The following VPS13B variants were observed in gnomAD, a reference collection of about 807,000 sequenced individuals.
The protein encoded by VPS13B is intermembrane lipid transfer protein VPS13B.
In VPS13B, 285 loss-of-function variants were observed where a neutral mutation model predicts 426.4. That is an observed-to-expected ratio of 0.67 (90% CI 0.61 to 0.74). VPS13B has a LOEUF of 0.74. Ranked by LOEUF, VPS13B falls within the 30% of genes least tolerant of loss-of-function variation. VPS13B has a pLI of 0.00. For missense variants in VPS13B, 4,537 were observed against 4,782.6 expected, an observed-to-expected ratio of 0.95 and a Z score of 1.51; for synonymous variants, 1,676 against 1,676.4, an observed-to-expected ratio of 1.00 and a Z score of 0.01.
Position 99,776,952 on chromosome 8 carries a change from C to T in VPS13B, c.7425C>T (p.Gly2475=), listed in dbSNP as rs1404603164. Residue 2475 remains glycine, a synonymous_variant, in exon 41 of 62, where the codon GGC becomes GGT. Transcript: ENST00000357162. ...FHLCHHLDQL[G]TAAPQYLQPF... ...TTTGTCATCACCTTGACCAACTAGG[C>T]ACAGGTACTCTTTTTTTTAGCATCA... The T allele has an allele frequency of 6.2e-7, 1 of 1,613,518 alleles. No homozygotes were observed. The highest frequency in any genetic ancestry group is 1.3e-5 in the African/African-American group (1 of 74,890).
chr8:99,026,927 AG>A (rs1223204610), intron 2 of VPS13B, among the ~76,000 whole-genome samples: 1 of 151,804 alleles, frequency 6.6e-6, no homozygotes, highest in Non-Finnish European at 1.5e-5. Context: ...CCCAGGCTGG[AG>A]TGCAGCGGTG....
intron 12 of VPS13B, among the ~76,000 whole-genome samples, chr8:99,138,107 A>G (rs1810175247): frequency 6.6e-6 from 1 of 152,094 alleles, no homozygotes. Flanking sequence ...CATTTAGTTC[A>G]TATGTACCAT....
At chr8:99,871,153 G>C (rs1317046212) in intron 60 of VPS13B, 5 of 598,380 alleles carry the variant, frequency 8.4e-6, no homozygotes, top group Non-Finnish European at 1.5e-5. Flanking sequence ...AGTCTTGCTA[G>C]AGGGCCTGAG....
At chr8:99,334,002 G>T (rs1432995872) in intron 19 of VPS13B, among the ~76,000 whole-genome samples, 1 of 151,754 alleles carries the variant, frequency 6.6e-6, no homozygotes, top group South Asian at 2.1e-4. Flanking sequence ...CTATTTTGTG[G>T]TTATTGTGTT....
chr8:99,801,616 A>C (rs1813127521), intron 43 of VPS13B, among the ~76,000 whole-genome samples: 1 of 152,146 alleles, frequency 6.6e-6, no homozygotes, highest in African/African-American at 2.4e-5. Flanking sequence ...GGAGTAAGTA[A>C]AATACATTCT....
intron 13 of VPS13B, among the ~76,000 whole-genome samples, chr8:99,146,574 C>T (rs940660853): frequency 6.6e-6 from 1 of 152,020 alleles, no homozygotes; most frequent in Non-Finnish European, 1.5e-5. Flanking sequence ...TTGGCTGTTT[C>T]GTTTTGTTTT....
intron 17 of VPS13B, among the ~76,000 whole-genome samples, chr8:99,207,947 AT>A (rs1814823892): frequency 6.6e-6 from 1 of 152,218 alleles, no homozygotes; most frequent in Admixed American, 6.5e-5. Context: ...TGTGTCACCT[AT>A]TACAAGATCA....
At chr8:99,736,315 G>A (rs1307769509) in intron 39 of VPS13B, among the ~76,000 whole-genome samples, 3 of 152,156 alleles carry the variant, frequency 2.0e-5, no homozygotes, top group African/African-American at 4.8e-5. Context: ...GCTCTCGCCT[G>A]TAATCTCAGC....
chr8:99,242,524 G>A (rs973708040), intron 17 of VPS13B, among the ~76,000 whole-genome samples: 2 of 152,098 alleles, frequency 1.3e-5, no homozygotes, highest in Non-Finnish European at 2.9e-5. Context: ...AGTAGTTCAA[G>A]TGCTTATCAA....
chr8:99,049,545 G>GT (rs112518424), intron 3 of VPS13B, among the ~76,000 whole-genome samples: 12,831 of 146,612 alleles, frequency 0.088, 895 homozygotes, highest in African/African-American at 0.19. Context: ...AATTCAATAG[G>GT]TTTTTTTTTT....
At chr8:99,245,831 G>A (rs1252995318) in intron 17 of VPS13B, among the ~76,000 whole-genome samples, 2 of 152,108 alleles carry the variant, frequency 1.3e-5, no homozygotes, top group African/African-American at 2.4e-5. Flanking sequence ...GGTGTGAGCC[G>A]CTGTGCCCAG....
chr8:99,402,191 G>A (rs1008043300), intron 21 of VPS13B, among the ~76,000 whole-genome samples: 2 of 152,166 alleles, frequency 1.3e-5, no homozygotes, highest in South Asian at 2.1e-4. Flanking sequence ...GTTACATGAA[G>A]CAGATTTATG....
At chr8:99,400,822 C>T (rs1287296324) in intron 21 of VPS13B, among the ~76,000 whole-genome samples, 3 of 152,176 alleles carry the variant, frequency 2.0e-5, no homozygotes, top group Non-Finnish European at 4.4e-5. Flanking sequence ...AGGTGCCCAC[C>T]ACCACACGTG....
At chr8:99,365,233 T>G (rs1471273608) in intron 19 of VPS13B, among the ~76,000 whole-genome samples, 1 of 151,788 alleles carries the variant, frequency 6.6e-6, no homozygotes, top group Non-Finnish European at 1.5e-5. Context: ...TATTATTTCA[T>G]TGATCTTTTG....
At chr8:99,584,696 A>T (rs12549452) in intron 33 of VPS13B, among the ~76,000 whole-genome samples, 20,790 of 152,202 alleles carry the variant, frequency 0.14, 1,964 homozygotes, top group East Asian at 0.38. Context: ...CAGGGAAGAA[A>T]GAGAAGGCTT....
At chr8:99,688,692 CATAGGCTTTTGGCCCCCTA>C (rs1230500905) in intron 35 of VPS13B, among the ~76,000 whole-genome samples, 2 of 152,004 alleles carry the variant, frequency 1.3e-5, no homozygotes, top group Non-Finnish European at 2.9e-5. Context: ...ATTGTGGGGC[CATAGGCTTTTGGCCCCCTA>C]AAGGTTATCT....
intron 16 of VPS13B, among the ~76,000 whole-genome samples, chr8:99,177,015 A>G (rs199736322): frequency 2.0e-5 from 3 of 152,278 alleles, no homozygotes; most frequent in East Asian, 3.9e-4. Flanking sequence ...TATTGAGGAG[A>G]AAGGATATCT....
intron 19 of VPS13B, among the ~76,000 whole-genome samples, chr8:99,336,459 G>T (rs1563674516): frequency 6.6e-6 from 1 of 152,098 alleles, no homozygotes; most frequent in South Asian, 2.1e-4. Flanking sequence ...CATGGGCAAG[G>T]ACTTCATGTC....
intron 33 of VPS13B, among the ~76,000 whole-genome samples, chr8:99,593,208 A>C (rs755971624): frequency 2.8e-4 from 42 of 152,256 alleles, no homozygotes; most frequent in Non-Finnish European, 4.9e-4. Flanking sequence ...AACTTAACCA[A>C]ATTTACAAGA....
Sources: allele counts gnomAD v4.1 joint callset (sites outside exome capture counted in the v4.1 genomes callset), GRCh38; gene constraint gnomAD v4.1.1; transcripts MANE v1.5; gene names NCBI Gene and HGNC (gene_info 2026-07-23, HGNC 2026-07-21).